Variants in KIAA1217 observed in about 807,000 individuals in gnomAD.
KIAA1217 encodes sickle tail protein homolog.
A neutral mutation model predicts 163.9 loss-of-function variants in KIAA1217; 88 were observed. That is an observed-to-expected ratio of 0.54 (90% confidence interval 0.45 to 0.64). KIAA1217 has a LOEUF of 0.64. KIAA1217 is among the 30% of genes least tolerant of loss of function. The pLI, the probability that KIAA1217 is intolerant of heterozygous loss-of-function variation, is 0.00. For missense variants in KIAA1217, 2,372 were observed against 2,475.0 expected, an observed-to-expected ratio of 0.96 and a Z score of 0.88; for synonymous variants, 903 against 923.1, an observed-to-expected ratio of 0.98 and a Z score of 0.39.
At chr10:24,102,742 A>G (rs2062465089) in intron 2 of KIAA1217, among the ~76,000 whole-genome samples, 1 of 152,206 alleles carries the variant, frequency 6.6e-6, no homozygotes, top group African/African-American at 2.4e-5. Flanking sequence ...GAAATAGACC[A>G]ACACAAACAT....
intron 20 of KIAA1217, chr10:24,545,371 C>T (rs2075618087): frequency 1.5e-6 from 2 of 1,357,794 alleles, no homozygotes; most frequent in African/African-American, 2.9e-5. Context: ...GGTGGCTTTT[C>T]TTTGGTGAAT....
intron 2 of KIAA1217, among the ~76,000 whole-genome samples, chr10:24,163,867 C>G (rs761530514): frequency 4.6e-5 from 7 of 152,162 alleles, no homozygotes; most frequent in Admixed American, 2.0e-4. Flanking sequence ...TCTGAAATCT[C>G]TAAGTCTAAG....
In KIAA1217 at chr10:24,502,623, C is replaced by T. The variant is rs568601714; in HGVS notation, c.2001+1078C>T. On this transcript the variant is annotated intron_variant, in intron 9 of 20. Coordinates refer to ENST00000376454, the MANE Select transcript of KIAA1217 (RefSeq NM_019590.5). ...TCCCTGCCCTGGCTGGTAGGTTGGTCGTTGAGGATACAGTGCTGGCCTAGG... is the reference window on the plus strand; with the variant it reads ...TCCCTGCCCTGGCTGGTAGGTTGGTTGTTGAGGATACAGTGCTGGCCTAGG... 8.2e-4 allele frequency among the ~76,000 whole-genome samples: 125 copies of T among 152,294 alleles called. 1 individual carries two copies. Among genetic ancestry groups the T allele is most frequent in the African/African-American group, 2.7e-3 (112 of 41,558 alleles).
intron 2 of KIAA1217, among the ~76,000 whole-genome samples, chr10:24,167,577 G>C (rs1236365955): frequency 6.6e-6 from 1 of 152,040 alleles, no homozygotes; most frequent in Admixed American, 6.6e-5. Flanking sequence ...TCGCTTCTGA[G>C]AGCTAAGTGT....
At chr10:24,440,288 C>T (rs1301331040) in intron 5 of KIAA1217, among the ~76,000 whole-genome samples, 1 of 152,198 alleles carries the variant, frequency 6.6e-6, no homozygotes, top group Admixed American at 6.5e-5. Context: ...CTAAATATTA[C>T]AGCACCATTT....
intron 1 of KIAA1217, among the ~76,000 whole-genome samples, chr10:23,830,391 T>A (rs1414544171): frequency 6.6e-6 from 1 of 152,188 alleles, no homozygotes; most frequent in Non-Finnish European, 1.5e-5. Context: ...GACACAATCT[T>A]GATAAAAGAC....
At chr10:24,204,391 A>G (rs2067433372), upstream of KIAA1217, among the ~76,000 whole-genome samples, 1 of 152,182 alleles carries the variant, frequency 6.6e-6, no homozygotes, top group Non-Finnish European at 1.5e-5. Context: ...TATACTATGG[A>G]ATCTGCGAAA....
At chr10:23,896,168 A>T (rs1841689027) in intron 1 of KIAA1217, among the ~76,000 whole-genome samples, 1 of 151,992 alleles carries the variant, frequency 6.6e-6, no homozygotes, top group South Asian at 2.1e-4. Flanking sequence ...TTTTTTAAAA[A>T]AGTAGAAGAA....
chr10:24,119,452 TTAAAAAA>T (rs2063191799), intron 2 of KIAA1217, among the ~76,000 whole-genome samples: 1 of 152,078 alleles, frequency 6.6e-6, no homozygotes, highest in South Asian at 2.1e-4. Context: ...GTAAAAATTT[TTAAAAAA>T]AACAACTCTA....
chr10:23,834,598 A>C lies in KIAA1217; in HGVS notation c.-321+139364A>C, dbSNP rs16923951. Among the ~76,000 whole-genome samples, 789 of 152,294 alleles carry C rather than the reference A, an allele frequency of 5.2e-3. 11 individuals carry two copies. Among genetic ancestry groups the C allele is most frequent in the African/African-American group, 0.017 (712 of 41,556 alleles). The stretch of plus-strand genomic sequence containing the variant: ...AAAGAAAAATGAGGAATTTGGGGTC[A>C]GTGTTAACTCATAAAAATGATGAGA... On this transcript the variant is annotated intron_variant, in intron 1 of 18. Coordinates refer to the KIAA1217 transcript ENST00000376462.
At chr10:24,213,417 T>C (rs756332062) in intron 1 of KIAA1217, among the ~76,000 whole-genome samples, 16 of 152,160 alleles carry the variant, frequency 1.1e-4, no homozygotes, top group Admixed American at 2.6e-4. Context: ...CACTGTCTGA[T>C]TGGCAGCCTC....
chr10:23,746,969 G>T (rs1839448724), intron 1 of KIAA1217, among the ~76,000 whole-genome samples: 1 of 152,160 alleles, frequency 6.6e-6, no homozygotes, highest in South Asian at 2.1e-4. Flanking sequence ...AGTGTGCCAA[G>T]GGAGTATCTG....
chr10:24,192,000 T>A (rs1412056405), intron 2 of KIAA1217, among the ~76,000 whole-genome samples: 1 of 152,206 alleles, frequency 6.6e-6, no homozygotes, highest in Non-Finnish European at 1.5e-5. Flanking sequence ...CTCCTTGGCC[T>A]CCCAAAGTGT....
At chr10:23,702,776 A>G in intron 1 of KIAA1217, among the ~76,000 whole-genome samples, 1 of 152,184 alleles carries the variant, frequency 6.6e-6, no homozygotes, top group Admixed American at 6.5e-5. Context: ...TCTACTGAAC[A>G]GACAATATCG....
intron 2 of KIAA1217, among the ~76,000 whole-genome samples, chr10:24,169,414 C>T (rs935403148): frequency 5.9e-5 from 8 of 135,156 alleles, no homozygotes; most frequent in African/African-American, 2.2e-4. Flanking sequence ...CACCATCAGT[C>T]TCTAGCATAT....
chr10:24,479,014 A>T (rs2064345001), intron 6 of KIAA1217, among the ~76,000 whole-genome samples: 2 of 152,232 alleles, frequency 1.3e-5, no homozygotes, highest in African/African-American at 2.4e-5. Context: ...TACCTAGAGC[A>T]GCTACATTCG....
At chr10:23,724,783 G>T (rs1411879672) in intron 1 of KIAA1217, among the ~76,000 whole-genome samples, 3 of 152,116 alleles carry the variant, frequency 2.0e-5, no homozygotes, top group Admixed American at 2.0e-4. Flanking sequence ...TCCATAATAG[G>T]TGTGTAATTA....
intron 1 of KIAA1217, among the ~76,000 whole-genome samples, chr10:23,949,215 A>G (rs75572700): frequency 0.026 from 3,892 of 152,220 alleles, 160 homozygotes; most frequent in African/African-American, 0.088. Context: ...ACCGTGTGAA[A>G]CCCTGACAAA....
intron 3 of KIAA1217, among the ~76,000 whole-genome samples, chr10:24,385,718 T>C (rs1354525928): frequency 6.6e-6 from 1 of 152,176 alleles, no homozygotes; most frequent in South Asian, 2.1e-4. Context: ...TTCTTTTCAG[T>C]GGAATTTATG....
Sources: allele counts gnomAD v4.1 joint callset (sites outside exome capture counted in the v4.1 genomes callset), GRCh38; gene constraint gnomAD v4.1.1; transcripts MANE v1.5; gene names NCBI Gene and HGNC (gene_info 2026-07-23, HGNC 2026-07-21).